The following SPOCK1 variants were observed in gnomAD, a reference collection of about 807,000 sequenced individuals.
SPOCK1 encodes the protein SPARC (osteonectin), cwcv and kazal like domains proteoglycan 1, also known as testican-1.
In SPOCK1, 23 loss-of-function variants were observed where a neutral mutation model predicts 55.3. The observed-to-expected ratio is 0.42, with a 90% CI of 0.30 to 0.59. SPOCK1 has a LOEUF of 0.59. Among genes scored for constraint, SPOCK1 ranks in the 20% least tolerant of loss-of-function variants. SPOCK1 has a pLI of 0.22. For synonymous variants in SPOCK1, 226 were observed against 221.0 expected, an observed-to-expected ratio of 1.02 and a Z score of -0.20; for missense variants, 499 against 552.5, an observed-to-expected ratio of 0.90 and a Z score of 0.97.
chr5:137,416,057 A>G lies in SPOCK1; in HGVS notation c.186+82316T>C, dbSNP rs201097980. 2.0e-5 allele frequency among the ~76,000 whole-genome samples: 3 copies of G among 152,290 alleles called. No homozygotes were observed. In the East Asian group the frequency reaches 5.8e-4, roughly 29 times the overall value. ...GAAGAAGTCATAAAACCTTAAAATCAGCCAGAGGAAAAATAGACATGTTAC... is the reference window on the plus strand; with the variant it reads ...GAAGAAGTCATAAAACCTTAAAATCGGCCAGAGGAAAAATAGACATGTTAC... On this transcript the variant is annotated intron_variant, in intron 2 of 10. Coordinates refer to ENST00000394945, the MANE Select transcript of SPOCK1 (RefSeq NM_004598.4).
At chr5:136,992,798 G>A in intron 6 of SPOCK1, 198 bp from the exon 7 acceptor site, 1 of 472,642 alleles carries the variant, frequency 2.1e-6, no homozygotes, top group Non-Finnish European at 3.7e-6. Context: ...GACCCCCAGG[G>A]CAAGCAGCCT....
At chr5:137,357,750 C>G (rs1750849123) in intron 2 of SPOCK1, among the ~76,000 whole-genome samples, 1 of 152,114 alleles carries the variant, frequency 6.6e-6, no homozygotes, top group Non-Finnish European at 1.5e-5. Context: ...CCATTTGTGA[C>G]AAATGATTCT....
intron 6 of SPOCK1, among the ~76,000 whole-genome samples, chr5:137,017,141 T>A (rs1751461957): frequency 6.6e-6 from 1 of 152,246 alleles, no homozygotes; most frequent in Non-Finnish European, 1.5e-5. Flanking sequence ...GGACCTCAGC[T>A]ACCACAGAGC....
chr5:137,165,189 C>T (rs780229793), intron 3 of SPOCK1, among the ~76,000 whole-genome samples: 24 of 152,198 alleles, frequency 1.6e-4, no homozygotes, highest in Non-Finnish European at 2.6e-4. Context: ...GTTTGTGTCA[C>T]TCCACCCCCA....
At chr5:137,468,860 A>G (rs990670861) in intron 2 of SPOCK1, among the ~76,000 whole-genome samples, 1 of 151,910 alleles carries the variant, frequency 6.6e-6, no homozygotes, top group African/African-American at 2.4e-5. Context: ...CTGAGAAAGA[A>G]GGGCCGTTCC....
At chr5:137,315,783 C>G (rs1561502304) in intron 2 of SPOCK1, among the ~76,000 whole-genome samples, 1 of 152,190 alleles carries the variant, frequency 6.6e-6, no homozygotes, top group Non-Finnish European at 1.5e-5. Flanking sequence ...TGAAATGATA[C>G]AGACAACTTA....
chr5:137,190,542 A>G (rs527571855), intron 3 of SPOCK1, among the ~76,000 whole-genome samples: 1 of 152,328 alleles, frequency 6.6e-6, no homozygotes, highest in South Asian at 2.1e-4. Context: ...TAACTTTTAT[A>G]TGCACTGGGA....
intron 3 of SPOCK1, among the ~76,000 whole-genome samples, chr5:137,239,662 G>A (rs888311271): frequency 1.3e-5 from 2 of 152,034 alleles, no homozygotes; most frequent in Non-Finnish European, 2.9e-5. Flanking sequence ...TCAAAGGATT[G>A]CTTGGTGTGG....
chr5:137,215,316 C>T (rs186533150), intron 3 of SPOCK1, among the ~76,000 whole-genome samples: 16 of 152,274 alleles, frequency 1.1e-4, no homozygotes, highest in African/African-American at 2.9e-4. Flanking sequence ...TGAAATCACC[C>T]TGTATACAGG....
chr5:137,093,040 T>G (rs1244490877), intron 5 of SPOCK1, among the ~76,000 whole-genome samples: 1 of 152,180 alleles, frequency 6.6e-6, no homozygotes, highest in Non-Finnish European at 1.5e-5. Context: ...ATTAATCCAT[T>G]AACCCATTAA....
At chr5:137,249,398 G>A (rs1018437697) in intron 3 of SPOCK1, among the ~76,000 whole-genome samples, 56 of 152,078 alleles carry the variant, frequency 3.7e-4, no homozygotes, top group African/African-American at 1.9e-4. Flanking sequence ...AGAAGTACAC[G>A]ACACAGAATA....
rs1217248812 is a variant in SPOCK1 at position 137,277,188 on chromosome 5, A to G, written c.187-10133T>C. 2.6e-5 allele frequency among the ~76,000 whole-genome samples: 4 copies of G among 151,704 alleles called. No individual in the cohort carries two copies. The East Asian group carries it at 7.7e-4, about 29-fold the overall frequency. ...CACCACCATGCCCAGCTAATTTTTA[A>G]ATTTTTTGTAGAGATGGGGTCTTGC... On this transcript the variant is annotated intron_variant, in intron 2 of 10. Coordinates refer to ENST00000394945, the MANE Select transcript of SPOCK1 (RefSeq NM_004598.4).
chr5:137,475,808 C>T (rs1753826618), intron 2 of SPOCK1, among the ~76,000 whole-genome samples: 1 of 152,064 alleles, frequency 6.6e-6, no homozygotes, highest in African/African-American at 2.4e-5. Flanking sequence ...CTCCTGGCCT[C>T]AAACAATCTT....
intron 2 of SPOCK1, among the ~76,000 whole-genome samples, chr5:137,373,330 T>G (rs1240303752): frequency 2.0e-5 from 3 of 152,178 alleles, no homozygotes; most frequent in African/African-American, 7.2e-5. Context: ...AGTTTCCTAC[T>G]GAGAATACCT....
At chr5:137,154,115 C>T (rs191787533) in intron 3 of SPOCK1, among the ~76,000 whole-genome samples, 91 of 151,776 alleles carry the variant, frequency 6.0e-4, no homozygotes, top group African/African-American at 2.1e-3. Context: ...TGGAGAAACC[C>T]CATCTCTACT....
At chr5:137,018,214 C>T (rs10070150) in intron 6 of SPOCK1, among the ~76,000 whole-genome samples, 127,641 of 152,124 alleles carry the variant, frequency 0.84, 54,150 homozygotes, top group South Asian at 0.95. Context: ...CCACCCAAAA[C>T]GGCAACAGTG....
At chr5:137,119,514 T>G (rs1334031492) in intron 4 of SPOCK1, among the ~76,000 whole-genome samples, 1 of 152,178 alleles carries the variant, frequency 6.6e-6, no homozygotes, top group Non-Finnish European at 1.5e-5. Flanking sequence ...TGAAAGAGAC[T>G]CCCACGAGAG....
intron 3 of SPOCK1, among the ~76,000 whole-genome samples, chr5:137,260,270 T>A (rs747047982): frequency 6.6e-6 from 1 of 151,976 alleles, no homozygotes; most frequent in African/African-American, 2.4e-5. Context: ...GCAGCCCCAA[T>A]AGCAAAACAG....
intron 6 of SPOCK1, among the ~76,000 whole-genome samples, chr5:137,056,001 G>A (rs1004212007): frequency 6.6e-6 from 1 of 152,076 alleles, no homozygotes; most frequent in Non-Finnish European, 1.5e-5. Context: ...CCAAGGGCTG[G>A]GACCACCAAA....
Sources: allele counts gnomAD v4.1 joint callset (sites outside exome capture counted in the v4.1 genomes callset), GRCh38; gene constraint gnomAD v4.1.1; transcripts MANE v1.5; gene names NCBI Gene and HGNC (gene_info 2026-07-23, HGNC 2026-07-21).